The following PABPC4L variants were observed in gnomAD, a reference collection of about 807,000 sequenced individuals.
PABPC4L encodes poly(A) binding protein cytoplasmic 4 like.
For missense variants in PABPC4L, 452 were observed against 451.4 expected, an observed-to-expected ratio of 1.00 and a Z score of -0.01; for synonymous variants, 169 against 164.1, an observed-to-expected ratio of 1.03 and a Z score of -0.23.
the PABPC4L span, among the ~76,000 whole-genome samples, chr4:134,095,677 C>A: frequency 1.3e-5 from 2 of 151,908 alleles, no homozygotes. Flanking sequence ...TTAATTTTAT[C>A]TTAGTTGCTT....
the PABPC4L span, among the ~76,000 whole-genome samples, chr4:134,095,486 A>G: frequency 3.5e-4 from 53 of 152,050 alleles, no homozygotes; most frequent in African/African-American, 1.2e-3. Flanking sequence ...AGTGATATTC[A>G]GAAAATAGAT....
the PABPC4L span, among the ~76,000 whole-genome samples, chr4:134,030,740 T>G: frequency 6.6e-6 from 1 of 152,082 alleles, no homozygotes; most frequent in African/African-American, 2.4e-5. Flanking sequence ...GTTTATAAAA[T>G]AATATTTTGC....
At chr4:134,166,823 A>C in the PABPC4L span, among the ~76,000 whole-genome samples, 1 of 152,176 alleles carries the variant, frequency 6.6e-6, no homozygotes, top group Non-Finnish European at 1.5e-5. Flanking sequence ...TATATGCCTC[A>C]TGCCCACCCT....
chr4:133,974,684 CAT>C, the PABPC4L span, among the ~76,000 whole-genome samples: 1 of 152,008 alleles, frequency 6.6e-6, no homozygotes, highest in Non-Finnish European at 1.5e-5. Context: ...CAAAAAGTCA[CAT>C]AAGCCAATTA....
At chr4:134,084,422 C>T in the PABPC4L span, among the ~76,000 whole-genome samples, 4 of 151,942 alleles carry the variant, frequency 2.6e-5, no homozygotes, top group Non-Finnish European at 5.9e-5. Context: ...TTTATTTGAT[C>T]TGATATTTTT....
At chr4:134,078,561 A>T in the PABPC4L span, among the ~76,000 whole-genome samples, 1 of 152,220 alleles carries the variant, frequency 6.6e-6, no homozygotes, top group East Asian at 1.9e-4. Context: ...TATAGTTGTT[A>T]AACTGATAAA....
At chr4:134,182,892 A>T in the PABPC4L span, among the ~76,000 whole-genome samples, 1 of 152,094 alleles carries the variant, frequency 6.6e-6, no homozygotes, top group Admixed American at 6.6e-5. Context: ...AATTCAAATC[A>T]AAACCACAAT....
At chr4:133,962,354 C>A in the PABPC4L span, among the ~76,000 whole-genome samples, 2 of 152,190 alleles carry the variant, frequency 1.3e-5, no homozygotes, top group Admixed American at 1.3e-4. Flanking sequence ...CAGAGAAAGG[C>A]GAAGCCCAAT....
chr4:134,084,916 T>C, the PABPC4L span, among the ~76,000 whole-genome samples: 10 of 152,138 alleles, frequency 6.6e-5, no homozygotes, highest in South Asian at 1.9e-3. Context: ...TTGAATTTAT[T>C]TGATGAAAAG....
the PABPC4L span, among the ~76,000 whole-genome samples, chr4:134,030,233 TG>T: frequency 1.5e-4 from 23 of 152,004 alleles, no homozygotes; most frequent in African/African-American, 5.3e-4. Flanking sequence ...ACTTTGGAAC[TG>T]GGTAACAGGC....
At chr4:133,974,810 CT>C in the PABPC4L span, among the ~76,000 whole-genome samples, 2 of 152,032 alleles carry the variant, frequency 1.3e-5, no homozygotes, top group South Asian at 4.1e-4. Context: ...CACTCGACAC[CT>C]ACTAATATTG....
chr4:134,119,636 T>A, the PABPC4L span, among the ~76,000 whole-genome samples: 1 of 151,576 alleles, frequency 6.6e-6, no homozygotes, highest in Non-Finnish European at 1.5e-5. Context: ...AGTCAATACA[T>A]CTTACCCTGC....
the PABPC4L span, among the ~76,000 whole-genome samples, chr4:134,183,874 A>T: frequency 6.6e-6 from 1 of 151,674 alleles, no homozygotes; most frequent in Non-Finnish European, 1.5e-5. Context: ...TAAATGTATC[A>T]AAAAAAGCCA....
At chr4:134,201,329 C>T (rs936080970) in intron 1 of PABPC4L, 84 bp from the exon 2 acceptor site, 1 of 1,298,820 alleles carries the variant, frequency 7.7e-7, no homozygotes, top group Non-Finnish European at 1.0e-6. Flanking sequence ...GCGGGCTGGC[C>T]CTCCATCTGA....
chr4:134,107,784 G>C, the PABPC4L span, among the ~76,000 whole-genome samples: 3 of 151,330 alleles, frequency 2.0e-5, no homozygotes, highest in African/African-American at 7.3e-5. Context: ...TCTCAATTCC[G>C]TGTGTTCAAT....
At chr4:133,993,545 A>G in the PABPC4L span, among the ~76,000 whole-genome samples, 3 of 152,212 alleles carry the variant, frequency 2.0e-5, no homozygotes, top group East Asian at 5.8e-4. Context: ...AAATTCAGGG[A>G]CATGAGTAAC....
At chr4:133,994,399 T>C in the PABPC4L span, among the ~76,000 whole-genome samples, 2 of 152,160 alleles carry the variant, frequency 1.3e-5, no homozygotes, top group Non-Finnish European at 2.9e-5. Context: ...CCCATTGGGC[T>C]AATAGGTCCT....
chr4:134,164,731 A>G, the PABPC4L span, among the ~76,000 whole-genome samples: 1 of 152,238 alleles, frequency 6.6e-6, no homozygotes, highest in African/African-American at 2.4e-5. Flanking sequence ...TGCGATTTCT[A>G]TCAAAACATC....
the PABPC4L span, among the ~76,000 whole-genome samples, chr4:134,135,087 C>A: frequency 2.0e-5 from 3 of 151,904 alleles, no homozygotes; most frequent in Non-Finnish European, 4.4e-5. Flanking sequence ...GGGAATTTGC[C>A]CTACTGAACC....
Sources: gnomAD v4.1 joint callset for allele counts (sites outside exome capture counted in the v4.1 genomes callset) on GRCh38, gnomAD v4.1.1 for gene constraint, MANE v1.5 for transcripts, NCBI Gene and HGNC (gene_info 2026-07-23, HGNC 2026-07-21) for gene names.